The following RB1CC1 variants were observed in gnomAD, a reference collection of about 807,000 sequenced individuals.
The protein encoded by RB1CC1 is RB1-inducible coiled-coil protein 1.
Under a neutral mutation model 177.5 loss-of-function variants are expected in RB1CC1, and 46 were observed. That is an observed-to-expected ratio of 0.26 (90% confidence interval 0.20 to 0.33). RB1CC1 has a LOEUF of 0.33. RB1CC1 is among the 10% of genes least tolerant of loss of function. The pLI is 1.00. For synonymous variants in RB1CC1, 666 were observed against 613.6 expected, an observed-to-expected ratio of 1.09 and a Z score of -1.26; for missense variants, 1,703 against 1,816.3, an observed-to-expected ratio of 0.94 and a Z score of 1.13.
intron 7 of RB1CC1, among the ~76,000 whole-genome samples, chr8:52,669,966 A>T (rs539204880): frequency 9.5e-6 from 1 of 105,184 alleles, no homozygotes; most frequent in Non-Finnish European, 2.1e-5. Context: ...AAAAAAATTT[A>T]TTTTTGAGCC....
chr8:52,684,019 A>T lies in RB1CC1; in HGVS notation c.72-6T>A. The T allele has an allele frequency of 6.2e-7, 1 of 1,609,306 alleles. No homozygotes were observed. The highest frequency in any genetic ancestry group is 8.5e-7 in the Non-Finnish European group (1 of 1,178,664). On this transcript the variant is annotated splice_polypyrimidine_tract_variant and splice_region_variant and intron_variant, in intron 3 of 23. Coordinates refer to ENST00000025008, the MANE Select transcript of RB1CC1 (RefSeq NM_014781.5). ...CATGCTTAAGGTCTGCCACACTTCA[A>T]AAAATGAAATAAAATAAATCAGTTG...
chr8:52,676,228 AC>A, intron 6 of RB1CC1, 140 bp downstream of exon 6: 1 of 690,624 alleles, frequency 1.4e-6, no homozygotes, highest in Non-Finnish European at 2.4e-6. Flanking sequence ...CCTACAAATC[AC>A]TATCAGAAAA....
Position 52,670,304 on chromosome 8 carries a change from A to G in RB1CC1, c.1003-2113T>C, listed in dbSNP as rs1852448752. On this transcript the variant is annotated intron_variant, in intron 7 of 23. Coordinates refer to ENST00000025008, the MANE Select transcript of RB1CC1 (RefSeq NM_014781.5). Reference sequence around the variant, plus strand: ...ACAGATAATAAAAATCTTTGAAGAAATGTTTTAAATTACATATATGTAAAC... The same window carrying G: ...ACAGATAATAAAAATCTTTGAAGAAGTGTTTTAAATTACATATATGTAAAC... Among the ~76,000 whole-genome samples the G allele has an allele frequency of 2.0e-5, 3 of 152,258 alleles. No homozygotes were observed. The South Asian group carries it at 6.2e-4, about 31-fold the overall frequency.
chr8:52,642,924 TG>T (rs1437752679), intron 16 of RB1CC1, 112 bp from the exon 17 acceptor site: 1 of 1,146,384 alleles, frequency 8.7e-7, no homozygotes, highest in Non-Finnish European at 1.1e-6. Flanking sequence ...ATGGAGATGA[TG>T]GGGTATGATT....
intron 5 of RB1CC1, among the ~76,000 whole-genome samples, chr8:52,681,845 C>A (rs983795878): frequency 6.6e-6 from 1 of 152,154 alleles, no homozygotes; most frequent in Non-Finnish European, 1.5e-5. Flanking sequence ...AGAAGATGTA[C>A]GGAAACGCCT....
chr8:52,657,512 C>A lies in RB1CC1; in HGVS notation c.2317G>T (p.Asp773Tyr). The A allele has an allele frequency of 6.2e-7, 1 of 1,613,938 alleles. No individual in the cohort carries two copies. Among genetic ancestry groups the A allele is most frequent in the Non-Finnish European group, 8.5e-7 (1 of 1,180,014 alleles). The change falls in exon 15 of 24, where the codon GAC becomes TAC. Residue 773 changes from aspartate to tyrosine, a missense_variant. Asp to Tyr is a radical substitution (Grantham distance 160). Around this residue, in one of 6 missense-constraint regions of RB1CC1, gnomAD observed 1,169 missense variants for 1,184.7 expected, o/e 0.99. Transcript: ENST00000025008. ...SLYSSVINAIDSRRMQDTNVC... is the reference protein window; with the variant it reads ...SLYSSVINAIYSRRMQDTNVC... ...TTTGTATCCTGCATTCGTCTACTGT[C>A]TATCGCATTGATAACTGATGAATAA...
In RB1CC1 at chr8:52,636,216, T is replaced by C. The variant is rs112106479; in HGVS notation, c.4338-147A>G. The C allele has an allele frequency of 2.8e-4, 247 of 868,802 alleles. 1 individual carries two copies. Among genetic ancestry groups the C allele is most frequent in the Admixed American group, 4.1e-4 (13 of 31,504 alleles). 53.8% of individuals were successfully genotyped at this position (868,802 alleles called of 1,614,324 possible). The stretch of plus-strand genomic sequence containing the variant: ...AAAGTAGCTTATTTCAGTTAGCATG[T>C]AATTTCAATGTTGTATATTCTCTGT... On this transcript the variant is annotated intron_variant, in intron 18 of 23. Coordinates refer to ENST00000025008, the MANE Select transcript of RB1CC1 (RefSeq NM_014781.5).
At chr8:52,636,173 G>T (rs1266801927) in intron 18 of RB1CC1, 104 bp from the exon 19 acceptor site, 1 of 1,286,674 alleles carries the variant, frequency 7.8e-7, no homozygotes, top group Non-Finnish European at 1.0e-6. Context: ...ACAATTTAAG[G>T]GTTTTCATAA....
intron 7 of RB1CC1, among the ~76,000 whole-genome samples, chr8:52,669,334 CTA>C (rs1230774331): frequency 6.6e-6 from 1 of 152,150 alleles, no homozygotes; most frequent in Non-Finnish European, 1.5e-5. Flanking sequence ...CCGTGTTTTT[CTA>C]TCTCTGATCT....
At chr8:52,626,879 C>T (rs1275399990) in intron 22 of RB1CC1, among the ~76,000 whole-genome samples, 1 of 152,082 alleles carries the variant, frequency 6.6e-6, no homozygotes, top group Non-Finnish European at 1.5e-5. Context: ...GAGACCCTGC[C>T]TCTACAAAAC....
At position 52,635,890 on chromosome 8, in the gene RB1CC1, A is replaced by G. The variant is rs952727142; in HGVS notation, c.4392+125T>C. ...TCCCAAAACAGTGACCACAAAAATA[A>G]GTTAATCATAAAAAGGCTTAATTTA... On this transcript the variant is annotated intron_variant, in intron 19 of 23. Transcript: ENST00000025008. 5 of 1,185,364 alleles carry G rather than the reference A, an allele frequency of 4.2e-6. No individual in the cohort carries two copies. In the African/African-American group the frequency reaches 7.9e-5, roughly 19 times the overall value. The allele number at this position is 1,185,364 out of a possible 1,614,324, so 73.4% of individuals were successfully genotyped here. A position where few individuals can be genotyped will look rare whatever the true frequency, so the allele number is the denominator to read the frequency against.
In RB1CC1 at chr8:52,674,130, T is replaced by G. The variant is rs771268869; in HGVS notation, c.717A>C (p.Glu239Asp). The stretch of plus-strand genomic sequence containing the variant: ...TAGGCATATCAGGAGAGAGCACCAG[T>G]TCAGTGGATCTTTTCATCTCAGCTT... The part of the protein sequence containing the change: ...SEKAEMKRST[E>D]LVLSPDMPRT... The change falls in exon 7 of 24, where the codon GAA becomes GAC. Residue 239 changes from glutamate (E) to aspartate (D), a missense_variant. Around this residue, in one of 6 missense-constraint regions of RB1CC1, gnomAD observed 315 missense variants for 304.9 expected, o/e 1.03. Transcript: ENST00000025008. 6.8e-6 allele frequency: 11 copies of G among 1,614,110 alleles called. No homozygotes were observed. In the Middle Eastern group the frequency reaches 1.8e-3, roughly 266 times the overall value.
chr8:52,690,090 T>G (rs895095845), intron 1 of RB1CC1, among the ~76,000 whole-genome samples: 1 of 152,162 alleles, frequency 6.6e-6, no homozygotes, highest in African/African-American at 2.4e-5. Flanking sequence ...CCTAGAAAAG[T>G]CATGCAGATC....
intron 12 of RB1CC1, 30 bp from the exon 13 acceptor site, chr8:52,659,006 ATTT>A: frequency 7.4e-7 from 1 of 1,356,564 alleles, no homozygotes; most frequent in Non-Finnish European, 9.9e-7. Flanking sequence ...TACTTAAAAA[ATTT>A]TTTTTCAACC....
Position 52,657,856 on chromosome 8 carries a change from C to G in RB1CC1, c.1973G>C (p.Ser658Thr). The change falls in exon 15 of 24, where the codon AGT becomes ACT. Residue 658 changes from serine (S) to threonine (T), a missense_variant. Ser to Thr is a moderately conservative substitution (Grantham distance 58). Transcript: ENST00000025008. ...PQSASSPRME[S>T]TAGITTTTSP... is the part of the protein sequence containing the mutation. ...GGTAGTAGTTGTAATTCCTGCTGTA[C>G]TTTCCATCCTTGGTGAAGAAGCAGA... The G allele has an allele frequency of 6.2e-7, 1 of 1,613,998 alleles. No individual in the cohort carries two copies.
At chr8:52,699,582 G>A (rs1055240498) in intron 1 of RB1CC1, among the ~76,000 whole-genome samples, 2 of 150,728 alleles carry the variant, frequency 1.3e-5, no homozygotes, top group African/African-American at 4.9e-5. Flanking sequence ...GGAAAGGCAG[G>A]TGGATCACTT....
intron 15 of RB1CC1, among the ~76,000 whole-genome samples, chr8:52,654,149 C>T (rs1384259132): frequency 1.3e-5 from 2 of 152,148 alleles, no homozygotes; most frequent in Non-Finnish European, 2.9e-5. Flanking sequence ...CTGCTGTTTC[C>T]TATTTTAAGT....
Position 52,624,728 on chromosome 8 carries a change from G to T in RB1CC1, c.4696C>A (p.Gln1566Lys). Residue 1566 changes from glutamine (Q) to lysine (K), a missense_variant, in exon 23 of 24, where the codon CAA becomes AAA. Gln to Lys is a moderately conservative substitution (Grantham distance 53). This residue lies in a region of RB1CC1 where 70 missense variants were observed against 118.0 expected (regional missense o/e 0.59). Coordinates refer to ENST00000025008, the MANE Select transcript of RB1CC1 (RefSeq NM_014781.5). ...GATGTCGTTTTTACCTTTTTGGCTT[G>T]ACAGTATTCTTTTTCCATTACTTTT... is the stretch of plus-strand genomic sequence containing the variant. ...LGKVMEKEYC[Q>K]AKKAQNRFKV... 6.3e-7 allele frequency: 1 copy of T among 1,596,804 alleles called. No individual in the cohort carries two copies. The highest frequency in any genetic ancestry group is 8.6e-7 in the Non-Finnish European group (1 of 1,166,592).
intron 1 of RB1CC1, among the ~76,000 whole-genome samples, chr8:52,708,165 T>C (rs1427039229): frequency 6.6e-6 from 1 of 152,216 alleles, no homozygotes; most frequent in African/African-American, 2.4e-5. Flanking sequence ...TCACTTTACA[T>C]ACTCCTGCCA....
Sources: gnomAD v4.1 joint callset for allele counts (sites outside exome capture counted in the v4.1 genomes callset) on GRCh38, gnomAD v4.1.1 for gene constraint, gnomAD v4.1.1 regional missense constraint, MANE v1.5 for transcripts, NCBI Gene and HGNC (gene_info 2026-07-23, HGNC 2026-07-21) for gene names.